Variants in ARAP2 observed in about 807,000 individuals in gnomAD.
ARAP2 encodes ArfGAP with RhoGAP domain, ankyrin repeat and PH domain 2.
In ARAP2, 148 loss-of-function variants were observed where a neutral mutation model predicts 194.5. The ratio of observed to expected loss-of-function variants is 0.76; its 90% CI spans 0.67 to 0.87. The LOEUF (loss-of-function observed/expected upper bound fraction) is 0.87, where lower values mean the gene tolerates loss of function less well. Among genes scored for constraint, ARAP2 ranks in the 40% least tolerant of loss-of-function variants. ARAP2 has a pLI of 0.00. For synonymous variants in ARAP2, 695 were observed against 683.5 expected, an observed-to-expected ratio of 1.02 and a Z score of -0.26; for missense variants, 2,128 against 1,989.7, an observed-to-expected ratio of 1.07 and a Z score of -1.32.
chr4:36,228,457 AGGTT>A (rs1750798594), intron 2 of ARAP2, 121 bp downstream of exon 2: 2 of 974,500 alleles, frequency 2.1e-6, no homozygotes, highest in South Asian at 2.1e-5. Flanking sequence ...TTAAAAGAAA[AGGTT>A]GGTTGAATAG....
At chr4:36,116,475 C>T (rs531770367) in intron 25 of ARAP2, among the ~76,000 whole-genome samples, 49 of 151,920 alleles carry the variant, frequency 3.2e-4, no homozygotes, top group Non-Finnish European at 5.0e-4. Context: ...TTTAATTCAT[C>T]ACAAATGATC....
intron 1 of ARAP2, among the ~76,000 whole-genome samples, chr4:36,230,656 T>C (rs549711984): frequency 2.2e-4 from 34 of 152,354 alleles, no homozygotes; most frequent in Admixed American, 1.0e-3. Context: ...TATGTGCAAC[T>C]TTCTGTACAT....
At chr4:36,136,036 C>T (rs972625396) in intron 19 of ARAP2, among the ~76,000 whole-genome samples, 2 of 151,784 alleles carry the variant, frequency 1.3e-5, no homozygotes, top group South Asian at 2.1e-4. Context: ...ACTTTCTCAA[C>T]TTGTCAAAGG....
chr4:36,202,695 TACA>T (rs1032661507), intron 6 of ARAP2, among the ~76,000 whole-genome samples: 8 of 152,294 alleles, frequency 5.3e-5, no homozygotes, highest in African/African-American at 1.7e-4. Context: ...TTATATAAAA[TACA>T]ACGTGAACCA....
At chr4:36,130,293 C>T (rs1725108023) in intron 20 of ARAP2, among the ~76,000 whole-genome samples, 1 of 151,978 alleles carries the variant, frequency 6.6e-6, no homozygotes, top group Non-Finnish European at 1.5e-5. Flanking sequence ...GCCTATGCGG[C>T]AAAGTTTGAG....
intron 6 of ARAP2, 63 bp downstream of exon 6, chr4:36,210,327 G>A (rs574282266): frequency 6.9e-7 from 1 of 1,445,606 alleles, no homozygotes; most frequent in Non-Finnish European, 9.3e-7. Flanking sequence ...TGGAGGTTTA[G>A]AAATGAATAA....
chr4:36,094,229 T>C (rs1714566963), intron 27 of ARAP2, among the ~76,000 whole-genome samples: 2 of 152,180 alleles, frequency 1.3e-5, no homozygotes, highest in African/African-American at 2.4e-5. Flanking sequence ...TGATGACACA[T>C]GAAAATTACA....
chr4:36,036,632 G>A (rs927703161), intron 5 of ARAP2, among the ~76,000 whole-genome samples: 5 of 151,854 alleles, frequency 3.3e-5, no homozygotes, highest in African/African-American at 9.7e-5. Context: ...TTAGAATTAC[G>A]TCCTTCAGTT....
rs1720298681 is a variant in ARAP2, at chr4:36,112,583, T to C, written c.4156+1587A>G. The stretch of plus-strand genomic sequence containing the variant: ...TTTAAAATTAAACAAAGACAAAAAA[T>C]AAAAACTTTGTCACCCTTGTACCAC... On this transcript the variant is annotated intron_variant, in intron 26 of 32. Coordinates refer to ENST00000303965, the MANE Select transcript of ARAP2 (RefSeq NM_015230.4). Among the ~76,000 whole-genome samples, 5 of 151,286 alleles carry C rather than the reference T, an allele frequency of 3.3e-5. No homozygotes were observed. In the South Asian group the frequency reaches 1.0e-3, roughly 31 times the overall value.
Position 36,214,407 on chromosome 4 carries a change from A to G in ARAP2, c.964+15T>C. The stretch of plus-strand genomic sequence containing the variant: ...TGAGCTCTAATTTAAGGAGACATTA[A>G]ACACATAGACTCACTTTGCCATGCC... On this transcript the variant is annotated intron_variant, in intron 3 of 32. Coordinates refer to ENST00000303965, the MANE Select transcript of ARAP2 (RefSeq NM_015230.4). 1 of 1,586,630 alleles carries G rather than the reference A, an allele frequency of 6.3e-7. No individual in the cohort carries two copies. The highest frequency in any genetic ancestry group is 8.6e-7 in the Non-Finnish European group (1 of 1,163,822).
intron 1 of ARAP2, among the ~76,000 whole-genome samples, chr4:36,243,060 C>T (rs1753835549): frequency 6.6e-6 from 1 of 151,534 alleles, no homozygotes; most frequent in African/African-American, 2.4e-5. Flanking sequence ...CTCAATATTT[C>T]TCCTGTAAGT....
intron 26 of ARAP2, among the ~76,000 whole-genome samples, chr4:36,112,578 A>G (rs1037172328): frequency 1.3e-5 from 2 of 151,912 alleles, no homozygotes; most frequent in African/African-American, 2.4e-5. Context: ...AACAAAGACA[A>G]AAAATAAAAA....
At chr4:36,055,493 C>A (rs1181380029) in intron 2 of ARAP2, among the ~76,000 whole-genome samples, 3 of 152,146 alleles carry the variant, frequency 2.0e-5, no homozygotes, top group Non-Finnish European at 4.4e-5. Context: ...TGATTCAACT[C>A]AGCAGTCTCA....
intron 21 of ARAP2, among the ~76,000 whole-genome samples, chr4:36,128,033 G>A (rs1724389629): frequency 6.6e-6 from 1 of 151,848 alleles, no homozygotes; most frequent in Admixed American, 6.6e-5. Flanking sequence ...TTCTTACAGT[G>A]TATAACAAAA....
At chr4:36,215,633 G>A (rs1387624350) in intron 2 of ARAP2, among the ~76,000 whole-genome samples, 1 of 152,154 alleles carries the variant, frequency 6.6e-6, no homozygotes, top group Non-Finnish European at 1.5e-5. Context: ...AGTGACAAGT[G>A]GTTTGCCCAA....
rs886629867 is a variant in ARAP2 at position 36,239,751 on chromosome 4, T to G, written c.-160+4428A>C. 3.3e-5 allele frequency among the ~76,000 whole-genome samples: 5 copies of G among 152,164 alleles called. No individual in the cohort carries two copies. The South Asian group carries it at 1.0e-3, about 32-fold the overall frequency. ...TATACACTTTAAAATGATAAGACGG[T>G]AAATTTTATAGTATGTGTTATTTTT... On this transcript the variant is annotated intron_variant, in intron 1 of 32. Coordinates refer to ENST00000303965, the MANE Select transcript of ARAP2 (RefSeq NM_015230.4).
chr4:36,109,629 A>G (rs1044304954), intron 26 of ARAP2, among the ~76,000 whole-genome samples: 1 of 151,940 alleles, frequency 6.6e-6, no homozygotes, highest in African/African-American at 2.4e-5. Flanking sequence ...CTAACTCATA[A>G]GTTTGTTGTC....
intron 7 of ARAP2, among the ~76,000 whole-genome samples, chr4:36,190,602 G>C (rs1578218667): frequency 6.6e-6 from 1 of 152,124 alleles, no homozygotes; most frequent in Non-Finnish European, 1.5e-5. Flanking sequence ...ACAGTCTCCT[G>C]GTTTGCCTCC....
chr4:36,243,383 C>CAAAAAAAAAAAAAA (rs71201008), intron 1 of ARAP2, among the ~76,000 whole-genome samples: 1 of 85,114 alleles, frequency 1.2e-5, no homozygotes, highest in African/African-American at 5.0e-5. Context: ...GACAAGCTTG[C>CAAAAAAAAAAAAAA]AAAAAAAAAA....
Sources: allele counts gnomAD v4.1 joint callset (sites outside exome capture counted in the v4.1 genomes callset), GRCh38; gene constraint gnomAD v4.1.1; transcripts MANE v1.5; gene names NCBI Gene and HGNC (gene_info 2026-07-23, HGNC 2026-07-21).